Variants in DDX54 observed in about 807,000 individuals in gnomAD.
DDX54 encodes ATP-dependent RNA helicase DDX54.
DDX54 carries 67 observed loss-of-function variants against 105.5 expected under a neutral mutation model. That is an observed-to-expected ratio of 0.64 (90% CI 0.52 to 0.78). The LOEUF (loss-of-function observed/expected upper bound fraction) is 0.78, where lower values mean the gene tolerates loss of function less well. Among genes scored for constraint, DDX54 ranks in the 30% least tolerant of loss-of-function variants. DDX54 has a pLI of 0.00. For missense variants in DDX54, 1,206 were observed against 1,230.5 expected (o/e 0.98, Z 0.30); for synonymous variants, 514 against 509.9 (o/e 1.01, Z -0.11).
At chr12:113,175,811 G>A (rs1485734285) in intron 7 of DDX54, among the ~76,000 whole-genome samples, 4 of 152,026 alleles carry the variant, frequency 2.6e-5, no homozygotes, top group African/African-American at 7.3e-5. Flanking sequence ...AAATTAGCTG[G>A]GCATGGTGGC....
At position 113,165,933 on chromosome 12, in the gene DDX54, A is replaced by C; in HGVS notation, c.1514T>G (p.Leu505Arg). ...ATCAGCAACGCGGGCCAGGCCCCGT[A>C]GCTCCAGCGATGCCTCCAGGGTGCT... ...LQSTLEASLELRGLARVADNA... is the reference protein window; with the variant it reads ...LQSTLEASLERRGLARVADNA... The change falls in exon 13 of 20, where the codon CTA becomes CGA. Residue 505 changes from leucine to arginine, a missense_variant. By Grantham distance (102) the Leu-to-Arg change is moderately radical. Transcript: ENST00000306014. 4 of 1,613,736 alleles carry C rather than the reference A, an allele frequency of 2.5e-6. No homozygotes were observed. Among genetic ancestry groups the C allele is most frequent in the Non-Finnish European group, 3.4e-6 (4 of 1,180,030 alleles).
Position 113,166,496 on chromosome 12 carries a change from T to C in DDX54, c.1415-464A>G, listed in dbSNP as rs544640569. Among the ~76,000 whole-genome samples the C allele has an allele frequency of 2.8e-4, 43 of 152,076 alleles. 1 individual carries two copies. The highest frequency in any genetic ancestry group is 3.8e-4 in the Non-Finnish European group (26 of 68,016). On this transcript the variant is annotated intron_variant, in intron 12 of 19. Coordinates refer to ENST00000306014, the MANE Select transcript of DDX54 (RefSeq NM_024072.4). ...CAGGAGGATCACTTGAGGCCAGGAATTGGAGACCAGCCTGAGCAATGTAGT... is the reference window on the plus strand; with the variant it reads ...CAGGAGGATCACTTGAGGCCAGGAACTGGAGACCAGCCTGAGCAATGTAGT...
intron 3 of DDX54, 140 bp downstream of exon 3, chr12:113,179,795 G>A: frequency 4.1e-6 from 4 of 986,066 alleles, no homozygotes; most frequent in South Asian, 2.9e-5. Flanking sequence ...CTAGGAAGTG[G>A]GCACGCTAGC....
chr12:113,168,624 A>G (rs775082758), intron 12 of DDX54, among the ~76,000 whole-genome samples: 3 of 152,328 alleles, frequency 2.0e-5, no homozygotes, highest in Non-Finnish European at 2.9e-5. Context: ...CCATTCTAGG[A>G]TGTATACAGA....
In DDX54 at chr12:113,185,368, C is replaced by A; in HGVS notation, c.84G>T (p.Lys28Asn). 1 of 1,574,928 alleles carries A rather than the reference C, an allele frequency of 6.3e-7. No individual in the cohort carries two copies. The highest frequency in any genetic ancestry group is 2.4e-5 in the East Asian group (1 of 42,344). The change falls in exon 1 of 20, where the codon AAG (lysine) becomes AAT (asparagine). Residue 28 changes from lysine (K) to asparagine (N), a missense_variant. By Grantham distance (94) the Lys-to-Asn change is moderately conservative (BLOSUM62 0). Around this residue, in one of 3 missense-constraint regions of DDX54, gnomAD observed 212 missense variants for 155.4 expected, o/e 1.36. Transcript: ENST00000306014. ...AQWRKKKGLR[K>N]RRGAASQARG... ...GGGCCTGGGAGGCCGCGCCTCGGCGCTTCCGGAGCCCTTTCTTCTTCCTCC... is the reference window on the plus strand; with the variant it reads ...GGGCCTGGGAGGCCGCGCCTCGGCGATTCCGGAGCCCTTTCTTCTTCCTCC...
intron 7 of DDX54, among the ~76,000 whole-genome samples, chr12:113,175,570 T>C (rs1203319711): frequency 8.6e-5 from 13 of 152,024 alleles, no homozygotes; most frequent in Non-Finnish European, 1.9e-4. Flanking sequence ...GGGCGGATCA[T>C]GAGGTCAGGA....
intron 11 of DDX54, 144 bp downstream of exon 11, chr12:113,172,209 C>A: frequency 1.1e-6 from 1 of 925,688 alleles, no homozygotes. Flanking sequence ...TTGAGACCAG[C>A]TTAAGCAATA....
At chr12:113,167,536 G>A (rs536598430) in intron 12 of DDX54, among the ~76,000 whole-genome samples, 6 of 152,220 alleles carry the variant, frequency 3.9e-5, no homozygotes, top group Non-Finnish European at 8.8e-5. Context: ...CCCTTTTAGA[G>A]AGGAGGAAAC....
At chr12:113,178,918 G>C in intron 5 of DDX54, 59 bp downstream of exon 5, 1 of 1,594,932 alleles carries the variant, frequency 6.3e-7, no homozygotes, top group Non-Finnish European at 8.6e-7. Context: ...CTAATGTCCT[G>C]GAGACACAGA....
chr12:113,180,578 G>A (rs1243781679), intron 2 of DDX54, among the ~76,000 whole-genome samples: 1 of 152,222 alleles, frequency 6.6e-6, no homozygotes, highest in Non-Finnish European at 1.5e-5. Flanking sequence ...GATTTGTAAA[G>A]AGTAACAGAG....
Position 113,185,270 on chromosome 12 carries a change from G to T in DDX54, c.174+8C>A. ...GCCCGAACATGCGTCCCAGCCCCAC[G>T]CGCCTACCTTCCGGGCCCGGGCGTC... On this transcript the variant is annotated splice_region_variant and intron_variant, in intron 1 of 19. Transcript: ENST00000306014. 1 of 1,547,904 alleles carries T rather than the reference G, an allele frequency of 6.5e-7. No homozygotes were observed.
At chr12:113,168,173 C>T (rs940342198) in intron 12 of DDX54, among the ~76,000 whole-genome samples, 2 of 152,260 alleles carry the variant, frequency 1.3e-5, no homozygotes, top group African/African-American at 4.8e-5. Flanking sequence ...TTCCAGCCGC[C>T]TCCAGGCATG....
At position 113,176,923 on chromosome 12, in the gene DDX54, C is replaced by T. The variant is rs756705062; in HGVS notation, c.669G>A (p.Thr223=). 76 of 1,614,066 alleles carry T rather than the reference C, an allele frequency of 4.7e-5. No individual in the cohort carries two copies. The East Asian group carries it at 9.4e-4, about 20-fold the overall frequency. The change falls in exon 7 of 20, where the codon ACG becomes ACA. Residue 223 remains threonine (T), a synonymous_variant. Transcript: ENST00000306014. ...CAGCCACATGCACCAACCGTCCGGGCGTGGCAATAATTCTGGAAGAGGGTG... is the reference window on the plus strand; with the variant it reads ...CAGCCACATGCACCAACCGTCCGGGTGTGGCAATAATTCTGGAAGAGGGTG... ...LHENPDIIIA[T]PGRLVHVAVE...
chr12:113,184,494 C>T (rs1460011052), intron 1 of DDX54, among the ~76,000 whole-genome samples: 2 of 152,200 alleles, frequency 1.3e-5, no homozygotes, highest in African/African-American at 2.4e-5. Context: ...TAATAAGGCT[C>T]GTACAGCTCT....
chr12:113,161,910 G>A lies in DDX54; in HGVS notation c.2283C>T (p.Ser761=), dbSNP rs1304219202. 2.5e-6 allele frequency: 4 copies of A among 1,611,814 alleles called. No homozygotes were observed. The highest frequency in any genetic ancestry group is 2.2e-5 in the East Asian group (1 of 44,796). Residue 761 remains serine, a synonymous_variant, in exon 18 of 20, where the codon AGC becomes AGT. Transcript: ENST00000306014. The part of the protein sequence containing the change: ...IKTESGRYIS[S]SYKRDLYQKW... The stretch of plus-strand genomic sequence containing the variant: ...CAGGATACAGGTCTCGCTTGTAGGA[G>A]CTGCTGATGTAGCGGCCGCTCTCTG...
chr12:113,179,244 A>G lies in DDX54; in HGVS notation c.463T>C (p.Phe155Leu), dbSNP rs561779172. ...GKTACFLLPM[F>L]ERLKTHSAQT... Reference sequence around the variant, plus strand: ...GCACTGTGGGTCTTGAGCCGCTCGAACATTGGGAGGAGGAAGCAGGCTGTC... The same window carrying G: ...GCACTGTGGGTCTTGAGCCGCTCGAGCATTGGGAGGAGGAAGCAGGCTGTC... The change falls in exon 4 of 20, where the codon TTC (phenylalanine) becomes CTC (leucine). Residue 155 changes from phenylalanine to leucine, a missense_variant. Around this residue, in one of 3 missense-constraint regions of DDX54, gnomAD observed 961 missense variants for 1,019.1 expected, o/e 0.94. Transcript: ENST00000306014. 6.2e-7 allele frequency: 1 copy of G among 1,614,092 alleles called. No homozygotes were observed. Among genetic ancestry groups the G allele is most frequent in the South Asian group, 1.1e-5 (1 of 91,080 alleles).
In DDX54 at chr12:113,161,291, CACCTCTTCGCTCTGG is replaced by C. The variant is rs1283166629; in HGVS notation, c.2377_2391del (p.Pro793_Gly797del). On this transcript the variant is annotated inframe_deletion, in exon 19 of 20. Transcript: ENST00000306014. ...TCACCTTGGCCACGGTCTCGCTTCC[CACCTCTTCGCTCTGG>C]GCCTCGCCGGTCAGATGCCCCTTCT... 2.5e-6 allele frequency: 4 copies of C among 1,613,158 alleles called. No homozygotes were observed. The highest frequency in any genetic ancestry group is 3.4e-6 in the Non-Finnish European group (4 of 1,179,610).
intron 10 of DDX54, among the ~76,000 whole-genome samples, chr12:113,174,196 A>C (rs1047206020): frequency 1.3e-4 from 20 of 151,598 alleles, no homozygotes; most frequent in African/African-American, 4.6e-4. Flanking sequence ...AAAAAAAAAG[A>C]AATGTTTTCA....
chr12:113,169,958 C>G lies in DDX54; in HGVS notation c.1280-54G>C, dbSNP rs187912604. ...TAAGCAAAGAAGGACCCGGACCCAG[C>G]ATGAGTTCCACAGGCCAGACCCTGA... On this transcript the variant is annotated intron_variant, in intron 11 of 19. Coordinates refer to ENST00000306014, the MANE Select transcript of DDX54 (RefSeq NM_024072.4). 2,989 of 1,601,250 alleles carry G rather than the reference C, an allele frequency of 1.9e-3. 3 individuals carry two copies. The highest frequency in any genetic ancestry group is 2.3e-3 in the Non-Finnish European group (2,669 of 1,173,916).
Sources: gnomAD v4.1 joint callset for allele counts (sites outside exome capture counted in the v4.1 genomes callset) on GRCh38, gnomAD v4.1.1 for gene constraint, gnomAD v4.1.1 regional missense constraint, MANE v1.5 for transcripts, NCBI Gene and HGNC (gene_info 2026-07-23, HGNC 2026-07-21) for gene names.